Variants in NSMCE2 observed in about 807,000 individuals in gnomAD.
NSMCE2 encodes the protein E3 SUMO-protein ligase NSE2.
NSMCE2 carries 24 observed loss-of-function variants against 23.8 expected under a neutral mutation model. The observed-to-expected ratio is 1.01, with a 90% CI of 0.73 to 1.42. NSMCE2 has a LOEUF of 1.42. Among genes scored for constraint, NSMCE2 ranks in the 40% most tolerant of loss-of-function variants. NSMCE2 has a pLI of 0.00. For synonymous variants in NSMCE2, 92 were observed against 94.1 expected (o/e 0.98, Z 0.13); for missense variants, 284 against 296.5 (o/e 0.96, Z 0.31).
At chr8:125,301,303 A>G (rs1216347673) in intron 5 of NSMCE2, among the ~76,000 whole-genome samples, 1 of 152,156 alleles carries the variant, frequency 6.6e-6, no homozygotes, top group African/African-American at 2.4e-5. Context: ...CAGCGTCCCA[A>G]GTAGTCATCT....
chr8:125,141,210 G>A (rs1161734076), intron 3 of NSMCE2, among the ~76,000 whole-genome samples: 1 of 152,100 alleles, frequency 6.6e-6, no homozygotes, highest in African/African-American at 2.4e-5. Context: ...TATAATCAAA[G>A]ATGTCGTGGT....
At chr8:125,146,035 C>G (rs1820655847) in intron 3 of NSMCE2, among the ~76,000 whole-genome samples, 1 of 152,150 alleles carries the variant, frequency 6.6e-6, no homozygotes, top group Non-Finnish European at 1.5e-5. Flanking sequence ...TTTTTGTTAT[C>G]AGATTTCTTA....
intron 5 of NSMCE2, among the ~76,000 whole-genome samples, chr8:125,239,991 TTC>T (rs1825706130): frequency 1.3e-5 from 2 of 152,302 alleles, no homozygotes; most frequent in East Asian, 3.9e-4. Context: ...AGCCTTTGTT[TTC>T]TCTTTCCTAC....
At chr8:125,273,579 T>C (rs1827319107) in intron 5 of NSMCE2, among the ~76,000 whole-genome samples, 1 of 152,220 alleles carries the variant, frequency 6.6e-6, no homozygotes, top group South Asian at 2.1e-4. Flanking sequence ...GAAAATGTAT[T>C]TTAAAACTAC....
intron 3 of NSMCE2, among the ~76,000 whole-genome samples, chr8:125,126,757 G>T (rs1308642754): frequency 1.3e-5 from 2 of 152,148 alleles, no homozygotes; most frequent in African/African-American, 4.8e-5. Context: ...TCTCTCATTT[G>T]CAAAATGAGG....
intron 4 of NSMCE2, among the ~76,000 whole-genome samples, chr8:125,160,548 C>G (rs1010882106): frequency 6.6e-6 from 1 of 152,168 alleles, no homozygotes; most frequent in East Asian, 1.9e-4. Context: ...TGGGCCAATG[C>G]AGAGGCCAGT....
intron 5 of NSMCE2, among the ~76,000 whole-genome samples, chr8:125,319,563 T>C (rs1829343473): frequency 6.6e-6 from 1 of 152,080 alleles, no homozygotes; most frequent in South Asian, 2.1e-4. Context: ...TCTTTACATA[T>C]GTAAAGACCC....
intron 5 of NSMCE2, among the ~76,000 whole-genome samples, chr8:125,294,954 G>A (rs1284453532): frequency 1.3e-5 from 2 of 152,100 alleles, no homozygotes; most frequent in Non-Finnish European, 2.9e-5. Context: ...GATTAGTGGT[G>A]GTTCACAGCA....
intron 4 of NSMCE2, among the ~76,000 whole-genome samples, chr8:125,181,029 G>C (rs1228798467): frequency 2.6e-5 from 4 of 152,210 alleles, no homozygotes; most frequent in African/African-American, 9.6e-5. Context: ...GCACAATAGA[G>C]AGTTTGGTGA....
chr8:125,174,960 T>C (rs1822407053), intron 4 of NSMCE2, among the ~76,000 whole-genome samples: 1 of 152,154 alleles, frequency 6.6e-6, no homozygotes, highest in Non-Finnish European at 1.5e-5. Flanking sequence ...AGGGGTATAA[T>C]CCATGCTGGT....
chr8:125,164,243 T>C (rs559359088), intron 4 of NSMCE2, among the ~76,000 whole-genome samples: 1 of 152,314 alleles, frequency 6.6e-6, no homozygotes, highest in African/African-American at 2.4e-5. Context: ...GTGGCTATTG[T>C]TGACTCTGAG....
intron 4 of NSMCE2, among the ~76,000 whole-genome samples, chr8:125,163,772 A>G (rs920925064): frequency 6.6e-6 from 1 of 152,218 alleles, no homozygotes; most frequent in African/African-American, 2.4e-5. Context: ...TTAGAGGAGG[A>G]AAGATACATT....
rs777644019 is a variant in NSMCE2, at chr8:125,223,806, C to CTT, written c.418+41572_418+41573dup. Among the ~76,000 whole-genome samples, 848 of 107,704 alleles carry CTT rather than the reference C, an allele frequency of 7.9e-3. 9 individuals carry two copies. The highest frequency in any genetic ancestry group is 0.017 in the African/African-American group (452 of 27,220). 70.7% of individuals were successfully genotyped at this position (107,704 alleles called of 152,430 possible). A position where few individuals can be genotyped will look rare whatever the true frequency, so the allele number is the denominator to read the frequency against. On this transcript the variant is annotated intron_variant, in intron 5 of 7. Transcript: ENST00000287437. ...AGAAATGTGTGTTCAGGTCCTTTGC[C>CTT]TTTTTTTTTTTTTTTTTTTTTTTGA...
chr8:125,212,393 G>A (rs1375403142), intron 5 of NSMCE2, among the ~76,000 whole-genome samples: 1 of 152,150 alleles, frequency 6.6e-6, no homozygotes, highest in Non-Finnish European at 1.5e-5. Context: ...ACTTGGTTGA[G>A]TTTAAAGTAT....
At chr8:125,158,276 T>C (rs575566179) in intron 4 of NSMCE2, among the ~76,000 whole-genome samples, 8 of 152,060 alleles carry the variant, frequency 5.3e-5, no homozygotes, top group Middle Eastern at 3.2e-3. Flanking sequence ...CCTTTCTCCA[T>C]TGCATTACTC....
At chr8:125,202,232 A>G (rs796647179) in intron 5 of NSMCE2, among the ~76,000 whole-genome samples, 1 of 152,208 alleles carries the variant, frequency 6.6e-6, no homozygotes, top group East Asian at 1.9e-4. Flanking sequence ...CAGCTGTCCA[A>G]CCAGTCCCAG....
At chr8:125,182,585 T>A in intron 5 of NSMCE2, 1 of 407,274 alleles carries the variant, frequency 2.5e-6, no homozygotes, top group Non-Finnish European at 4.3e-6. Flanking sequence ...ATGGTATCGT[T>A]CAAGTTTTAA....
intron 5 of NSMCE2, among the ~76,000 whole-genome samples, chr8:125,230,162 C>A (rs1470914150): frequency 6.6e-6 from 1 of 152,158 alleles, no homozygotes; most frequent in African/African-American, 2.4e-5. Context: ...TCAGAGTTAT[C>A]AAGCCTAAAC....
At chr8:125,186,315 G>C (rs532671382) in intron 5 of NSMCE2, among the ~76,000 whole-genome samples, 259 of 152,260 alleles carry the variant, frequency 1.7e-3, no homozygotes, top group Non-Finnish European at 2.7e-3. Flanking sequence ...AAAACTTACC[G>C]TATTTATTAT....
Sources: gnomAD v4.1 joint callset for allele counts (sites outside exome capture counted in the v4.1 genomes callset) on GRCh38, gnomAD v4.1.1 for gene constraint, MANE v1.5 for transcripts, NCBI Gene and HGNC (gene_info 2026-07-23, HGNC 2026-07-21) for gene names.